Variants in VEGFC observed in about 807,000 individuals in gnomAD.
The protein encoded by VEGFC is vascular endothelial growth factor C.
A neutral mutation model predicts 46.1 loss-of-function variants in VEGFC; 12 were observed. The ratio of observed to expected loss-of-function variants is 0.26; its 90% CI spans 0.17 to 0.42. The LOEUF (loss-of-function observed/expected upper bound fraction) is 0.42, where lower values mean the gene tolerates loss of function less well. Ranked by LOEUF, VEGFC falls within the 10% of genes least tolerant of loss-of-function variation. The pLI, the probability that VEGFC is intolerant of heterozygous loss-of-function variation, is 1.00. For synonymous variants in VEGFC, 232 were observed against 195.5 expected (o/e 1.19, Z -1.56); for missense variants, 488 against 529.4 (o/e 0.92, Z 0.77).
chr4:176,727,486 C>A (rs187637017), intron 3 of VEGFC, among the ~76,000 whole-genome samples: 10 of 152,288 alleles, frequency 6.6e-5, no homozygotes, highest in African/African-American at 2.4e-4. Flanking sequence ...CACACATACA[C>A]ACGTACATGT....
chr4:176,693,574 C>A (rs1291535872), intron 4 of VEGFC, among the ~76,000 whole-genome samples: 1 of 144,548 alleles, frequency 6.9e-6, no homozygotes, highest in Non-Finnish European at 1.5e-5. Flanking sequence ...TCCAGGAGAA[C>A]TTCCCCAATC....
intron 4 of VEGFC, among the ~76,000 whole-genome samples, chr4:176,692,539 G>A (rs1457180144): frequency 7.5e-6 from 1 of 133,950 alleles, no homozygotes; most frequent in Admixed American, 7.1e-5. Context: ...AGGCGGCAAT[G>A]AGGCTGGGGG....
intron 1 of VEGFC, among the ~76,000 whole-genome samples, chr4:176,775,261 A>G (rs893424125): frequency 6.6e-6 from 1 of 152,222 alleles, no homozygotes; most frequent in African/African-American, 2.4e-5. Context: ...TGAGAAAAAA[A>G]AAGTAATGAA....
intron 3 of VEGFC, among the ~76,000 whole-genome samples, chr4:176,721,677 T>C (rs1238176401): frequency 6.6e-6 from 1 of 152,210 alleles, no homozygotes; most frequent in Non-Finnish European, 1.5e-5. Context: ...TGAATGATGA[T>C]GTCATTTACT....
intron 1 of VEGFC, among the ~76,000 whole-genome samples, chr4:176,766,355 G>A (rs1279368405): frequency 6.6e-6 from 1 of 152,152 alleles, no homozygotes; most frequent in African/African-American, 2.4e-5. Context: ...AGAGGCTGAT[G>A]CAGGAGGATC....
chr4:176,767,901 G>C (rs751401079), intron 1 of VEGFC, among the ~76,000 whole-genome samples: 3 of 152,114 alleles, frequency 2.0e-5, no homozygotes, highest in Admixed American at 6.5e-5. Flanking sequence ...AGACGATGGT[G>C]GCTCAGGTCA....
intron 6 of VEGFC, among the ~76,000 whole-genome samples, chr4:176,685,570 A>C (rs1313448801): frequency 6.6e-6 from 1 of 152,076 alleles, no homozygotes; most frequent in Non-Finnish European, 1.5e-5. Flanking sequence ...AATTCTGTAG[A>C]AAAGTAGGTA....
At chr4:176,697,679 T>C (rs1375248649) in intron 4 of VEGFC, among the ~76,000 whole-genome samples, 7 of 151,786 alleles carry the variant, frequency 4.6e-5, no homozygotes, top group African/African-American at 1.7e-4. Flanking sequence ...TAAAGACACA[T>C]GCACACGTAT....
Position 176,722,511 on chromosome 4 carries a change from T to C in VEGFC, c.552+5267A>G, listed in dbSNP as rs558521109. Among the ~76,000 whole-genome samples the C allele has an allele frequency of 2.4e-3, 367 of 151,046 alleles. 1 individual carries two copies. Among genetic ancestry groups the C allele is most frequent in the Middle Eastern group, 0.014 (4 of 292 alleles). The stretch of plus-strand genomic sequence containing the variant: ...TTGTTTTTTTTTTGTTTTTTTTTTT[T>C]TTGAGGCAGGGTCTGGCTCTGTCAC... On this transcript the variant is annotated intron_variant, in intron 3 of 6. Coordinates refer to ENST00000618562, the MANE Select transcript of VEGFC (RefSeq NM_005429.5).
At chr4:176,751,879 G>A (rs908551818) in intron 1 of VEGFC, among the ~76,000 whole-genome samples, 6 of 151,728 alleles carry the variant, frequency 4.0e-5, no homozygotes, top group Admixed American at 3.9e-4. Flanking sequence ...GAAACATAAG[G>A]CAAAATGAAA....
At chr4:176,742,339 G>A (rs1735190022) in intron 1 of VEGFC, among the ~76,000 whole-genome samples, 1 of 151,978 alleles carries the variant, frequency 6.6e-6, no homozygotes, top group Non-Finnish European at 1.5e-5. Flanking sequence ...CCCGCTGATA[G>A]GAACTTAGGC....
At chr4:176,730,811 T>C (rs1259698070) in intron 1 of VEGFC, among the ~76,000 whole-genome samples, 1 of 152,146 alleles carries the variant, frequency 6.6e-6, no homozygotes, top group Non-Finnish European at 1.5e-5. Context: ...GAAAAGTATT[T>C]TTCACTTCTA....
At chr4:176,761,645 G>A (rs1162867930) in intron 1 of VEGFC, among the ~76,000 whole-genome samples, 1 of 152,134 alleles carries the variant, frequency 6.6e-6, no homozygotes, top group Non-Finnish European at 1.5e-5. Context: ...GAATGTGTGT[G>A]GGCCCACGTG....
At chr4:176,757,891 G>T (rs1375071511) in intron 1 of VEGFC, among the ~76,000 whole-genome samples, 1 of 151,868 alleles carries the variant, frequency 6.6e-6, no homozygotes, top group Non-Finnish European at 1.5e-5. Flanking sequence ...ACCATGTTTT[G>T]GGGGAATATT....
chr4:176,729,430 AGGTGTATTC>A (rs1215647631), intron 2 of VEGFC, 94 bp downstream of exon 2: 1 of 894,800 alleles, frequency 1.1e-6, no homozygotes, highest in Non-Finnish European at 1.6e-6. Context: ...TCCGCCCTAA[AGGTGTATTC>A]GGTGATACAA....
Position 176,692,403 on chromosome 4 carries a change from C to A in VEGFC, c.705-4476G>T, listed in dbSNP as rs59581541. Reference sequence around the variant, plus strand: ...AGCGAGACTCCGTCTCAAAAACAAACAAACAAACAAACAAAAAAAAAACAA... The same window carrying A: ...AGCGAGACTCCGTCTCAAAAACAAAAAAACAAACAAACAAAAAAAAAACAA... On this transcript the variant is annotated intron_variant, in intron 4 of 6. Transcript: ENST00000618562. 9.6e-3 allele frequency among the ~76,000 whole-genome samples: 1,080 copies of A among 112,746 alleles called. 70 individuals are homozygous for A. The highest frequency in any genetic ancestry group is 0.054 in the African/African-American group (849 of 15,850). 74.0% of individuals were successfully genotyped at this position (112,746 alleles called of 152,430 possible).
At chr4:176,734,536 A>G (rs2111023578) in intron 1 of VEGFC, among the ~76,000 whole-genome samples, 1 of 151,926 alleles carries the variant, frequency 6.6e-6, no homozygotes, top group Admixed American at 6.6e-5. Flanking sequence ...TTTCTAAAAC[A>G]AATAACGTTC....
intron 3 of VEGFC, among the ~76,000 whole-genome samples, chr4:176,726,629 G>T (rs960136531): frequency 2.0e-5 from 3 of 152,068 alleles, no homozygotes; most frequent in African/African-American, 7.2e-5. Flanking sequence ...GAGGCCAAAT[G>T]ATCGTAACAG....
chr4:176,687,557 C>T, intron 5 of VEGFC, 37 bp from the exon 6 acceptor site: 1 of 1,493,618 alleles, frequency 6.7e-7, no homozygotes, highest in South Asian at 1.4e-5. Flanking sequence ...CTATACCTTA[C>T]TTGGTTCTGG....
Sources: allele counts gnomAD v4.1 joint callset (sites outside exome capture counted in the v4.1 genomes callset), GRCh38; gene constraint gnomAD v4.1.1; transcripts MANE v1.5; gene names NCBI Gene and HGNC (gene_info 2026-07-23, HGNC 2026-07-21).